The following SPATS2L variants were observed in gnomAD, a reference collection of about 807,000 sequenced individuals.
SPATS2L encodes the protein spermatogenesis associated serine rich 2 like, also known as SPATS2-like protein.
SPATS2L carries 30 observed loss-of-function variants against 59.6 expected under a neutral mutation model. That is an observed-to-expected ratio of 0.50 (90% CI 0.38 to 0.68). The LOEUF (loss-of-function observed/expected upper bound fraction) is 0.68. Among genes scored for constraint, SPATS2L ranks in the 30% least tolerant of loss-of-function variants. SPATS2L has a pLI of 0.00. For missense variants in SPATS2L, 615 were observed against 700.0 expected (o/e 0.88, Z 1.37); for synonymous variants, 252 against 263.5 (o/e 0.96, Z 0.42).
At chr2:200,307,775 G>A (rs2079075700) in intron 1 of SPATS2L, among the ~76,000 whole-genome samples, 1 of 152,218 alleles carries the variant, frequency 6.6e-6, no homozygotes, top group South Asian at 2.1e-4. Flanking sequence ...CCGCGGGGTT[G>A]GTGTGTTTTT....
chr2:200,384,995 G>T (rs1261313313), intron 2 of SPATS2L, among the ~76,000 whole-genome samples: 2 of 152,166 alleles, frequency 1.3e-5, no homozygotes, highest in African/African-American at 4.8e-5. Context: ...TAGTTAGCCC[G>T]CAGTAATTGG....
chr2:200,436,091 A>T (rs1396000239), intron 6 of SPATS2L, among the ~76,000 whole-genome samples: 1 of 152,190 alleles, frequency 6.6e-6, no homozygotes, highest in Non-Finnish European at 1.5e-5. Flanking sequence ...CTTACTGGAC[A>T]CTGGAGGCTT....
chr2:200,412,911 G>T (rs1426289858), intron 4 of SPATS2L, among the ~76,000 whole-genome samples: 7 of 151,922 alleles, frequency 4.6e-5, no homozygotes, highest in Admixed American at 4.6e-4. Context: ...ATATAAATTA[G>T]CCAGGCATAG....
At chr2:200,418,925 T>G (rs1274609219) in intron 5 of SPATS2L, among the ~76,000 whole-genome samples, 1 of 152,224 alleles carries the variant, frequency 6.6e-6, no homozygotes, top group Non-Finnish European at 1.5e-5. Context: ...TTTTTCAGGA[T>G]GGTTATCACC....
At chr2:200,331,482 A>G (rs1443816671) in intron 2 of SPATS2L, among the ~76,000 whole-genome samples, 1 of 152,228 alleles carries the variant, frequency 6.6e-6, no homozygotes, top group African/African-American at 2.4e-5. Context: ...TCAAGGAACT[A>G]TTCTTGTTGT....
At chr2:200,424,841 A>C (rs2083465877) in intron 6 of SPATS2L, among the ~76,000 whole-genome samples, 1 of 152,186 alleles carries the variant, frequency 6.6e-6, no homozygotes, top group Admixed American at 6.5e-5. Context: ...CTGACCCAGC[A>C]GCCGGCCTTT....
chr2:200,443,845 T>C (rs576765540), intron 8 of SPATS2L, among the ~76,000 whole-genome samples: 1 of 152,268 alleles, frequency 6.6e-6, no homozygotes, highest in African/African-American at 2.4e-5. Context: ...CAAGGTAAAA[T>C]GAACGAAATG....
intron 2 of SPATS2L, among the ~76,000 whole-genome samples, chr2:200,342,740 T>C (rs1450122135): frequency 6.6e-6 from 1 of 152,234 alleles, no homozygotes; most frequent in African/African-American, 2.4e-5. Context: ...GCGGAGTTTG[T>C]GATCATAATG....
At chr2:200,463,898 G>A (rs1387326268) in intron 9 of SPATS2L, among the ~76,000 whole-genome samples, 1 of 152,198 alleles carries the variant, frequency 6.6e-6, no homozygotes, top group Admixed American at 6.5e-5. Flanking sequence ...TTCTGCTGAG[G>A]GTTATTGTTT....
chr2:200,344,159 A>G (rs1165831068), intron 2 of SPATS2L, among the ~76,000 whole-genome samples: 4 of 151,964 alleles, frequency 2.6e-5, no homozygotes, highest in Admixed American at 2.6e-4. Flanking sequence ...TTTACAGATT[A>G]TGTCATCTTC....
At chr2:200,361,881 T>C (rs1293134244) in intron 2 of SPATS2L, among the ~76,000 whole-genome samples, 4 of 152,220 alleles carry the variant, frequency 2.6e-5, no homozygotes, top group African/African-American at 9.6e-5. Context: ...CCATTATGAT[T>C]TGTTCAGGGT....
chr2:200,414,714 A>G (rs577886568), intron 4 of SPATS2L, among the ~76,000 whole-genome samples: 1 of 152,224 alleles, frequency 6.6e-6, no homozygotes, highest in Non-Finnish European at 1.5e-5. Flanking sequence ...TATGAGGCAT[A>G]CAGAAAGCGC....
intron 2 of SPATS2L, among the ~76,000 whole-genome samples, chr2:200,381,855 A>G (rs2081823690): frequency 6.6e-6 from 1 of 152,194 alleles, no homozygotes; most frequent in Non-Finnish European, 1.5e-5. Context: ...GCTATACCAA[A>G]GTCAGGTACA....
intron 8 of SPATS2L, among the ~76,000 whole-genome samples, chr2:200,444,309 C>A (rs1405528889): frequency 2.0e-5 from 3 of 152,106 alleles, no homozygotes; most frequent in Non-Finnish European, 2.9e-5. Context: ...AGCAATAAAA[C>A]ATTAAATTCA....
chr2:200,312,512 G>T (rs2079226033), intron 1 of SPATS2L, among the ~76,000 whole-genome samples: 1 of 152,178 alleles, frequency 6.6e-6, no homozygotes, highest in African/African-American at 2.4e-5. Context: ...TATTTCAGGA[G>T]GTAATAGGCC....
At position 200,306,827 on chromosome 2, in the gene SPATS2L, C is replaced by G. The variant is rs1048920390; in HGVS notation, c.-168C>G. On this transcript the variant is annotated 5_prime_UTR_variant, in exon 1 of 13. Coordinates refer to ENST00000409140, the MANE Select transcript of SPATS2L (RefSeq NM_001100423.2). ...CTCCCGCTCGGCCCGCCCTCCGAGC[C>G]GCAGGGGCCGCCACCGCCGCGGCGC... 3.1e-6 allele frequency: 3 copies of G among 980,724 alleles called. No homozygotes were observed. Among genetic ancestry groups the G allele is most frequent in the African/African-American group, 1.8e-5 (1 of 56,778 alleles). 60.8% of individuals were successfully genotyped at this position (980,724 alleles called of 1,614,324 possible).
intron 3 of SPATS2L, among the ~76,000 whole-genome samples, chr2:200,410,496 C>T (rs997406658): frequency 1.3e-5 from 2 of 152,164 alleles, no homozygotes; most frequent in African/African-American, 4.8e-5. Context: ...AGGCCCTGTA[C>T]GATCTGGTCC....
chr2:200,345,261 G>A (rs1453033645), intron 2 of SPATS2L, among the ~76,000 whole-genome samples: 1 of 152,152 alleles, frequency 6.6e-6, no homozygotes, highest in Non-Finnish European at 1.5e-5. Context: ...GTGTAAGAAA[G>A]TGGTCCAGTT....
intron 2 of SPATS2L, among the ~76,000 whole-genome samples, chr2:200,357,014 C>G (rs753258692): frequency 2.0e-5 from 3 of 152,148 alleles, no homozygotes; most frequent in Admixed American, 6.5e-5. Flanking sequence ...GATTAAGTTT[C>G]CAACACATGA....
Sources: gnomAD v4.1 joint callset for allele counts (sites outside exome capture counted in the v4.1 genomes callset) on GRCh38, gnomAD v4.1.1 for gene constraint, MANE v1.5 for transcripts, NCBI Gene and HGNC (gene_info 2026-07-23, HGNC 2026-07-21) for gene names.